The following EYA2 variants were observed in gnomAD, a reference collection of about 807,000 sequenced individuals.
EYA2 encodes protein phosphatase EYA2.
Under a neutral mutation model 69.2 loss-of-function variants are expected in EYA2, and 31 were observed. The ratio of observed to expected loss-of-function variants is 0.45; its 90% CI spans 0.34 to 0.60. EYA2 has a LOEUF of 0.60. Among genes scored for constraint, EYA2 ranks in the 20% least tolerant of loss-of-function variants. EYA2 has a pLI of 0.02. For missense variants in EYA2, 622 were observed against 701.2 expected (o/e 0.89, Z 1.28); for synonymous variants, 257 against 279.4 (o/e 0.92, Z 0.80).
chr20:47,145,381 C>A (rs955879411), intron 10 of EYA2, among the ~76,000 whole-genome samples: 5 of 151,914 alleles, frequency 3.3e-5, no homozygotes, highest in Admixed American at 6.6e-5. Flanking sequence ...GCATGAAGGC[C>A]CCTGGGATCA....
intron 5 of EYA2, among the ~76,000 whole-genome samples, chr20:47,043,555 T>C (rs1203920624): frequency 6.6e-6 from 1 of 152,208 alleles, no homozygotes; most frequent in African/African-American, 2.4e-5. Flanking sequence ...GTTTATCCTT[T>C]CATTTATGAC....
At chr20:46,985,900 T>G (rs1981149914) in intron 1 of EYA2, among the ~76,000 whole-genome samples, 3 of 152,228 alleles carry the variant, frequency 2.0e-5, no homozygotes, top group Non-Finnish European at 4.4e-5. Context: ...TTTAACCACA[T>G]TTGGTCAGTT....
chr20:46,984,912 A>C (rs1044648790), intron 1 of EYA2, among the ~76,000 whole-genome samples: 1 of 152,236 alleles, frequency 6.6e-6, no homozygotes, highest in Non-Finnish European at 1.5e-5. Context: ...GTGGGTGTGC[A>C]GTATAGAATT....
chr20:46,963,442 G>A (rs182855337), intron 1 of EYA2, among the ~76,000 whole-genome samples: 9 of 152,278 alleles, frequency 5.9e-5, no homozygotes, highest in African/African-American at 2.2e-4. Context: ...AGACAGAACC[G>A]ACAAGGTCCC....
At position 46,943,105 on chromosome 20, in the gene EYA2, C is replaced by T. The variant is rs1220938990; in HGVS notation, c.-10-46896C>T. Reference sequence around the variant, plus strand: ...ATCGGTGCAGAGCAGTGATTCCCAACCAGGAGTGACTCTGCCCCCGAGGGG... The same window carrying T: ...ATCGGTGCAGAGCAGTGATTCCCAATCAGGAGTGACTCTGCCCCCGAGGGG... On this transcript the variant is annotated intron_variant, in intron 1 of 15. Transcript: ENST00000327619. 2.0e-5 allele frequency among the ~76,000 whole-genome samples: 3 copies of T among 152,216 alleles called. No homozygotes were observed. In the East Asian group the frequency reaches 5.8e-4, roughly 29 times the overall value.
intron 1 of EYA2, among the ~76,000 whole-genome samples, chr20:46,933,436 G>A (rs993797966): frequency 5.9e-5 from 9 of 152,174 alleles, no homozygotes; most frequent in Admixed American, 5.9e-4. Context: ...CACTCCAGAT[G>A]GATGTAGGTG....
chr20:47,024,235 AG>A (rs1181102947), intron 5 of EYA2, among the ~76,000 whole-genome samples: 1 of 152,170 alleles, frequency 6.6e-6, no homozygotes, highest in African/African-American at 2.4e-5. Context: ...GGATGCAGTT[AG>A]GTTACTTAGA....
At chr20:47,181,733 ATAAT>A (rs2034542248) in intron 14 of EYA2, among the ~76,000 whole-genome samples, 1 of 152,132 alleles carries the variant, frequency 6.6e-6, no homozygotes, top group African/African-American at 2.4e-5. Context: ...AAAAAAATAA[ATAAT>A]TTATAGTACT....
intron 10 of EYA2, among the ~76,000 whole-genome samples, chr20:47,154,149 C>T (rs888324977): frequency 1.3e-5 from 2 of 151,964 alleles, no homozygotes; most frequent in African/African-American, 4.8e-5. Context: ...CTGGTGAGGG[C>T]CCTCTTCTTG....
In EYA2 at chr20:47,023,253, C is replaced by T. The variant is rs772469981; in HGVS notation, c.415+6956C>T. Among the ~76,000 whole-genome samples, 6 of 152,230 alleles carry T rather than the reference C, an allele frequency of 3.9e-5. 1 individual carries two copies. The highest frequency in any genetic ancestry group is 1.2e-4 in the African/African-American group (5 of 41,528). On this transcript the variant is annotated intron_variant, in intron 5 of 15. Transcript: ENST00000327619. Reference sequence around the variant, plus strand: ...AAGCAGTCTATTATATTGTATGTTACTATTACAAGAATTAGTTCAGACGTG... The same window carrying T: ...AAGCAGTCTATTATATTGTATGTTATTATTACAAGAATTAGTTCAGACGTG...
At chr20:46,987,069 G>C (rs576505487) in intron 1 of EYA2, among the ~76,000 whole-genome samples, 1 of 152,188 alleles carries the variant, frequency 6.6e-6, no homozygotes, top group Non-Finnish European at 1.5e-5. Context: ...ACATACAAAA[G>C]TAGGGTACCC....
chr20:47,154,819 T>TTGTG (rs11472542), intron 10 of EYA2, among the ~76,000 whole-genome samples: 16,679 of 140,678 alleles, frequency 0.12, 1,060 homozygotes, highest in African/African-American at 0.14. Flanking sequence ...TTATTTTGTT[T>TTGTG]TGTGTGTGTG....
chr20:47,039,156 G>T lies in EYA2; in HGVS notation c.415+22859G>T, dbSNP rs1045601270. ...ACGCGCGCACAATTCTATAATGTGAGTTTCTAACTATTTTGACCTAGACCA... is the reference window on the plus strand; with the variant it reads ...ACGCGCGCACAATTCTATAATGTGATTTTCTAACTATTTTGACCTAGACCA... On this transcript the variant is annotated intron_variant, in intron 5 of 15. Transcript: ENST00000327619. Among the ~76,000 whole-genome samples the T allele has an allele frequency of 2.7e-5, 4 of 148,144 alleles. No individual in the cohort carries two copies. The Admixed American group carries it at 2.8e-4, about 10-fold the overall frequency.
chr20:47,102,147 C>T (rs1166386645), intron 9 of EYA2, among the ~76,000 whole-genome samples: 1 of 152,194 alleles, frequency 6.6e-6, no homozygotes, highest in Admixed American at 6.5e-5. Flanking sequence ...TGGTAACTCC[C>T]TCTCAGCAAT....
At chr20:47,142,769 A>AT (rs1425717317) in intron 9 of EYA2, among the ~76,000 whole-genome samples, 1 of 152,252 alleles carries the variant, frequency 6.6e-6, no homozygotes, top group Non-Finnish European at 1.5e-5. Context: ...CATATCTGTG[A>AT]TAAGTGTCCT....
chr20:47,110,939 C>T (rs2146540122), intron 9 of EYA2, among the ~76,000 whole-genome samples: 1 of 152,378 alleles, frequency 6.6e-6, no homozygotes, highest in East Asian at 1.9e-4. Context: ...TCAGCAAAGG[C>T]TTCACAATTT....
At chr20:47,026,739 G>C (rs1272273420) in intron 5 of EYA2, among the ~76,000 whole-genome samples, 1 of 152,196 alleles carries the variant, frequency 6.6e-6, no homozygotes, top group Admixed American at 6.5e-5. Context: ...GGTGGGAACT[G>C]TAGCAAATTA....
intron 12 of EYA2, among the ~76,000 whole-genome samples, chr20:47,175,234 T>A (rs1048898101): frequency 2.6e-5 from 4 of 152,178 alleles, no homozygotes; most frequent in African/African-American, 9.7e-5. Flanking sequence ...AGCCCAGGGA[T>A]CACCACAGAT....
intron 5 of EYA2, among the ~76,000 whole-genome samples, chr20:47,043,114 A>G (rs1438629655): frequency 1.3e-5 from 2 of 152,208 alleles, no homozygotes; most frequent in South Asian, 2.1e-4. Flanking sequence ...TAGAGCTGTG[A>G]TAAAAGAATG....
Sources: gnomAD v4.1 joint callset for allele counts (sites outside exome capture counted in the v4.1 genomes callset) on GRCh38, gnomAD v4.1.1 for gene constraint, MANE v1.5 for transcripts, NCBI Gene and HGNC (gene_info 2026-07-23, HGNC 2026-07-21) for gene names.